The following MORF4L2 variants were observed in gnomAD, a reference collection of about 807,000 sequenced individuals.
The protein encoded by MORF4L2 is mortality factor 4-like protein 2.
MORF4L2 carries 1 observed loss-of-function variant against 12.0 expected under a neutral mutation model. The observed-to-expected ratio is 0.08, with a 90% CI of 0.03 to 0.40. The LOEUF (loss-of-function observed/expected upper bound fraction) is 0.40. MORF4L2 is among the 10% of genes least tolerant of loss of function. The pLI is 0.98. For synonymous variants in MORF4L2, 69 were observed against 81.6 expected (o/e 0.85, Z 0.83); for missense variants, 123 against 214.0 (o/e 0.57, Z 2.65).
At chrX:103,688,029 C>A (rs768174508), upstream of MORF4L2, 1 of 111,654 alleles carries the variant, frequency 9.0e-6, no homozygotes, top group Admixed American at 9.5e-5. Context: ...TGACCTTCTT[C>A]AGGCAAATAC....
At chrX:103,684,365 T>C (rs920626617) in intron 2 of MORF4L2, among the ~76,000 whole-genome samples, 1 of 111,679 alleles carries the variant, frequency 9.0e-6, no homozygotes, top group African/African-American at 3.3e-5. Flanking sequence ...TGCTTATTTA[T>C]AAATTTGGTT....
intron 3 of MORF4L2, among the ~76,000 whole-genome samples, chrX:103,678,096 C>G (rs1197224305): frequency 9.4e-6 from 1 of 106,250 alleles, no homozygotes; most frequent in Non-Finnish European, 1.9e-5. Flanking sequence ...GTACCCACCC[C>G]ACAACCCAAA....
chrX:103,685,473 A>C (rs1239073181), intron 1 of MORF4L2: 2 of 111,822 alleles, frequency 1.8e-5, no homozygotes, highest in Non-Finnish European at 3.8e-5. Context: ...TTGTTTTTTA[A>C]CTTTCCTTAA....
chrX:103,686,657 G>C lies in MORF4L2; in HGVS notation c.-294C>G, dbSNP rs1166414184. 1.2e-5 allele frequency: 1 copy of C among 85,626 alleles called. No individual in the cohort carries two copies. The highest frequency in any genetic ancestry group is 2.1e-5 in the Non-Finnish European group (1 of 47,089). The allele number at this position is 85,626 out of a possible 1,213,427, so 7.1% of individuals were successfully genotyped here. On this transcript the variant is annotated 5_prime_UTR_variant, in exon 1 of 4. Transcript: ENST00000441076. ...TGAAACGAGAATCCAGATCTTCCCA[G>C]CAGCCGACGTGTGATCACTGCCGTT...
In MORF4L2 at chrX:103,678,658, A is replaced by G. The variant is rs1015744672; in HGVS notation, c.-177-7T>C. On this transcript the variant is annotated splice_region_variant and splice_polypyrimidine_tract_variant and intron_variant, in intron 2 of 3. Transcript: ENST00000441076. ...TGAACTTTTGTGAAATCATCTAAGA[A>G]AAAGAAAAAAAATGAGTAATTTATA... 62 of 112,611 alleles carry G rather than the reference A, an allele frequency of 5.5e-4. No individual in the cohort carries two copies. Among genetic ancestry groups the G allele is most frequent in the African/African-American group, 2.0e-3 (61 of 30,947 alleles). The allele number at this position is 112,611 out of a possible 1,213,427, so 9.3% of individuals were successfully genotyped here.
chrX:103,685,557 A>G (rs766334436), intron 1 of MORF4L2: 6 of 111,629 alleles, frequency 5.4e-5, no homozygotes, highest in Non-Finnish European at 1.1e-4. Context: ...CCAGCTTTCA[A>G]CAATTACCAA....
chrX:103,686,874 G>A (rs1014099562), upstream of MORF4L2: 5 of 111,534 alleles, frequency 4.5e-5, no homozygotes, highest in African/African-American at 1.3e-4. Context: ...GTAAAGGCGG[G>A]TGCTAGCAAC....
intron 1 of MORF4L2, among the ~76,000 whole-genome samples, chrX:103,686,283 G>A (rs751051968): frequency 2.7e-5 from 3 of 111,364 alleles, no homozygotes; most frequent in Non-Finnish European, 5.7e-5. Context: ...TGGCAGAAAG[G>A]GCACTACAAT....
chrX:103,676,392 C>T lies in MORF4L2; in HGVS notation c.636G>A (p.Leu212=). The change falls in exon 4 of 4, where the codon TTG becomes TTA. Residue 212 remains leucine, a synonymous_variant. Transcript: ENST00000441076. ...FERPQYAEIL[L]AHPDAPMSQV... ...GGGACATTGGAGCATCAGGGTGAGCCAAGAGGATTTCAGCATACTGGGGCC... is the reference window on the plus strand; with the variant it reads ...GGGACATTGGAGCATCAGGGTGAGCTAAGAGGATTTCAGCATACTGGGGCC... The T allele has an allele frequency of 8.3e-7, 1 of 1,211,656 alleles. No homozygotes were observed. Among genetic ancestry groups the T allele is most frequent in the Non-Finnish European group, 1.1e-6 (1 of 895,440 alleles).
intron 2 of MORF4L2, among the ~76,000 whole-genome samples, chrX:103,681,205 G>GT: frequency 8.9e-6 from 1 of 111,755 alleles, no homozygotes; most frequent in South Asian, 3.7e-4. Context: ...CAGCTCTAGG[G>GT]TAAGCCAGAA....
upstream of MORF4L2, chrX:103,687,918 AAT>A (rs1183923424): frequency 9.0e-6 from 1 of 111,157 alleles, no homozygotes; most frequent in Non-Finnish European, 1.9e-5. Context: ...TTCCTGTGAG[AAT>A]ATCTATCTAC....
Position 103,676,305 on chromosome X carries a change from A to G in MORF4L2, c.723T>C (p.Tyr241=). Reference sequence around the variant, plus strand: ...CAAGGCTTTTCTCATCAAGGGGCGTATAGGCCAACATTGCTCCAATTCTTA... The same window carrying G: ...CAAGGCTTTTCTCATCAAGGGGCGTGTAGGCCAACATTGCTCCAATTCTTA... The part of the protein sequence containing the change: ...LFVRIGAMLA[Y]TPLDEKSLAL... Residue 241 remains tyrosine (Y), a synonymous_variant, in exon 4 of 4, where the codon TAT becomes TAC. Coordinates refer to ENST00000441076, the MANE Select transcript of MORF4L2 (RefSeq NM_012286.3). The G allele has an allele frequency of 8.3e-7, 1 of 1,211,437 alleles. No homozygotes were observed. Among genetic ancestry groups the G allele is most frequent in the South Asian group, 1.8e-5 (1 of 56,939 alleles).
chrX:103,675,991 G>C lies in MORF4L2; in HGVS notation c.*170C>G. 2.0e-6 allele frequency: 1 copy of C among 503,958 alleles called. No individual in the cohort carries two copies. The highest frequency in any genetic ancestry group is 4.5e-5 in the South Asian group (1 of 22,254). 41.5% of individuals were successfully genotyped at this position (503,958 alleles called of 1,213,427 possible). A position where few individuals can be genotyped will look rare whatever the true frequency, so the allele number is the denominator to read the frequency against. ...TGGTAGCAACTTTGAAATGAGAAAA[G>C]GAGCTTACACTCCTTTTATTTTCTG... On this transcript the variant is annotated 3_prime_UTR_variant, in exon 4 of 4. Coordinates refer to ENST00000441076, the MANE Select transcript of MORF4L2 (RefSeq NM_012286.3).
chrX:103,687,362 G>C (rs2074139214), upstream of MORF4L2: 1 of 112,377 alleles, frequency 8.9e-6, no homozygotes, highest in Non-Finnish European at 1.9e-5. Flanking sequence ...ACGGGCGCAA[G>C]GCATTAAGGC....
chrX:103,678,455 A>T (rs752071404), intron 3 of MORF4L2, 44 bp downstream of exon 3: 1 of 112,089 alleles, frequency 8.9e-6, no homozygotes, highest in African/African-American at 3.2e-5. Flanking sequence ...ATAGTCTTCC[A>T]TTATTCTTAT....
chrX:103,679,881 A>AAAAG (rs1556144427), intron 2 of MORF4L2, among the ~76,000 whole-genome samples: 1,238 of 48,821 alleles, frequency 0.025, 37 homozygotes, highest in African/African-American at 0.082. Flanking sequence ...AAAAAAAAAA[A>AAAAG]AAAAGAAAAG....
At chrX:103,678,304 C>T (rs926836650) in intron 3 of MORF4L2, among the ~76,000 whole-genome samples, 195 bp downstream of exon 3, 13 of 110,846 alleles carry the variant, frequency 1.2e-4, no homozygotes, top group Non-Finnish European at 2.5e-4. Context: ...ACAAATGAAA[C>T]AAAAATGTTA....
At chrX:103,683,323 C>T (rs1265803962) in intron 2 of MORF4L2, among the ~76,000 whole-genome samples, 1 of 112,228 alleles carries the variant, frequency 8.9e-6, no homozygotes, top group African/African-American at 3.2e-5. Flanking sequence ...TCCCAAAGTG[C>T]TGGGATTACA....
In MORF4L2 at chrX:103,676,344, T is replaced by C. The variant is rs1429301843; in HGVS notation, c.684A>G (p.Leu228=). Residue 228 remains leucine, a synonymous_variant, in exon 4 of 4, where the codon CTA becomes CTG. Transcript: ENST00000441076. The part of the protein sequence containing the change: ...PMSQVYGAPH[L]LRLFVRIGAM... ...CTCCAATTCTTACAAATAATCTCAG[T>C]AGGTGTGGTGCTCCATAAACCTGGG... 5.0e-6 allele frequency: 6 copies of C among 1,209,332 alleles called. No individual in the cohort carries two copies. In the Admixed American group the frequency reaches 1.1e-4, roughly 22 times the overall value.
Sources: gnomAD v4.1 joint callset for allele counts (sites outside exome capture counted in the v4.1 genomes callset) on GRCh38, gnomAD v4.1.1 for gene constraint, MANE v1.5 for transcripts, NCBI Gene and HGNC (gene_info 2026-07-23, HGNC 2026-07-21) for gene names.